RGS8: variants seen among roughly 807,000 people sequenced by gnomAD.
The protein encoded by RGS8 is regulator of G protein signaling 8, also known as regulator of G-protein signaling 8.
In RGS8, 8 loss-of-function variants were observed where a neutral mutation model predicts 21.7. That is an observed-to-expected ratio of 0.37 (90% confidence interval 0.22 to 0.66). The LOEUF (loss-of-function observed/expected upper bound fraction) is 0.66, where lower values mean the gene tolerates loss of function less well. Ranked by LOEUF, RGS8 falls within the 30% of genes least tolerant of loss-of-function variation. The pLI is 0.59. For missense variants in RGS8, 157 were observed against 217.9 expected (o/e 0.72, Z 1.76); for synonymous variants, 80 against 83.6 (o/e 0.96, Z 0.24).
intron 5 of RGS8, among the ~76,000 whole-genome samples, chr1:182,659,433 G>T (rs189480282): frequency 1.3e-5 from 2 of 152,332 alleles, no homozygotes; most frequent in Admixed American, 1.3e-4. Context: ...GGGCGCGGTG[G>T]CTCACGCCTA....
At chr1:182,709,179 A>C in the RGS8 span, among the ~76,000 whole-genome samples, 1 of 151,932 alleles carries the variant, frequency 6.6e-6, no homozygotes, top group African/African-American at 2.4e-5. Context: ...AACTTTCCCA[A>C]TGTTGTGGGT....
the RGS8 span, among the ~76,000 whole-genome samples, chr1:182,702,978 G>A: frequency 0.04 from 6,061 of 152,254 alleles, 162 homozygotes; most frequent in East Asian, 0.1. Context: ...GGGCAGAAAA[G>A]GAACACTTGG....
At position 182,666,037 on chromosome 1, in the gene RGS8, GA is replaced by G. The variant is rs34724940; in HGVS notation, c.129-5del. Reference sequence around the variant, plus strand: ...AGCTTCTTCTGTCGATAATCTCCTAGAAAAAAAGAAACATCTGTCTTGAATG... The same window carrying G: ...AGCTTCTTCTGTCGATAATCTCCTAGAAAAAAGAAACATCTGTCTTGAATG... On this transcript the variant is annotated splice_region_variant and splice_polypyrimidine_tract_variant and intron_variant, in intron 4 of 6. Coordinates refer to ENST00000483095, the Ensembl canonical transcript of RGS8. The G allele has an allele frequency of 1.9e-6, 3 of 1,612,280 alleles. No individual in the cohort carries two copies. Among genetic ancestry groups the G allele is most frequent in the Non-Finnish European group, 2.5e-6 (3 of 1,178,700 alleles).
At chr1:182,725,810 G>C in the RGS8 span, among the ~76,000 whole-genome samples, 1 of 152,174 alleles carries the variant, frequency 6.6e-6, no homozygotes, top group African/African-American at 2.4e-5. Flanking sequence ...AATCAGCCAG[G>C]CTTCCCCTAG....
the RGS8 span, among the ~76,000 whole-genome samples, chr1:182,740,542 TTGTTTG>T: frequency 9.1e-4 from 109 of 119,500 alleles, 1 homozygote; most frequent in African/African-American, 3.2e-3. Flanking sequence ...TTTTTTTTGT[TTGTTTG>T]TTTTTTTTTT....
At chr1:182,735,735 C>T in the RGS8 span, among the ~76,000 whole-genome samples, 1 of 152,128 alleles carries the variant, frequency 6.6e-6, no homozygotes, top group Non-Finnish European at 1.5e-5. Context: ...TTGCTCTGGC[C>T]CTTTCTTTTC....
upstream of RGS8, among the ~76,000 whole-genome samples, chr1:182,674,639 G>T (rs1449759257): frequency 6.6e-6 from 1 of 152,182 alleles, no homozygotes; most frequent in African/African-American, 2.4e-5. Flanking sequence ...CTAAAGTAAA[G>T]CATTCTAGCA....
At chr1:182,643,338 C>T (rs573237663), downstream of RGS8, 5 of 138,956 alleles carry the variant, frequency 3.6e-5, no homozygotes, top group Admixed American at 2.1e-4. Context: ...CCCGCCCCCG[C>T]GCTGTGTTCC....
chr1:182,746,943 G>A, the RGS8 span, among the ~76,000 whole-genome samples: 1 of 149,782 alleles, frequency 6.7e-6, no homozygotes, highest in Admixed American at 6.7e-5. Flanking sequence ...TTGCTGTGTT[G>A]CCCAGGCTGG....
At chr1:182,741,889 C>T in the RGS8 span, among the ~76,000 whole-genome samples, 1 of 144,568 alleles carries the variant, frequency 6.9e-6, no homozygotes, top group African/African-American at 2.5e-5. Flanking sequence ...GCTGACCCCC[C>T]CACCTCCCTC....
chr1:182,671,872 C>A, exon 1 of RGS8: 1 of 1,505,344 alleles, frequency 6.6e-7, no homozygotes, highest in Non-Finnish European at 8.9e-7. Flanking sequence ...AGCCAGGCAG[C>A]AAGCGGCCCC....
the RGS8 span, among the ~76,000 whole-genome samples, chr1:182,740,544 G>GTTTTTTTTTTTT: frequency 1.9e-5 from 2 of 103,322 alleles, no homozygotes; most frequent in African/African-American, 3.7e-5. Context: ...TTTTTTGTTT[G>GTTTTTTTTTTTT]TTTGTTTTTT....
the RGS8 span, among the ~76,000 whole-genome samples, chr1:182,750,195 A>C: frequency 6.6e-6 from 1 of 152,204 alleles, no homozygotes; most frequent in Non-Finnish European, 1.5e-5. Flanking sequence ...GAAGCCTAAT[A>C]AATTTTTTCT....
chr1:182,708,378 T>A, the RGS8 span, among the ~76,000 whole-genome samples: 1 of 152,160 alleles, frequency 6.6e-6, no homozygotes, highest in African/African-American at 2.4e-5. Context: ...TTGAAGGAGA[T>A]GGATGAAGGT....
chr1:182,697,739 T>C, the RGS8 span, among the ~76,000 whole-genome samples: 1 of 152,200 alleles, frequency 6.6e-6, no homozygotes, highest in African/African-American at 2.4e-5. Context: ...AATCAGTGTG[T>C]ATCTATAATG....
intron 2 of RGS8, among the ~76,000 whole-genome samples, chr1:182,671,317 T>A (rs1469785951): frequency 6.6e-6 from 1 of 152,142 alleles, no homozygotes; most frequent in Non-Finnish European, 1.5e-5. Flanking sequence ...TTTTATCCCA[T>A]TTGGCCCTGG....
upstream of RGS8, among the ~76,000 whole-genome samples, chr1:182,674,110 T>A (rs554309870): frequency 1.3e-5 from 2 of 152,282 alleles, no homozygotes; most frequent in South Asian, 4.1e-4. Context: ...AACACAAAGG[T>A]AGTGCCATCA....
the RGS8 span, among the ~76,000 whole-genome samples, chr1:182,740,989 A>C: frequency 2.6e-5 from 4 of 151,966 alleles, no homozygotes; most frequent in South Asian, 8.3e-4. Context: ...CCGATTTCTC[A>C]ATCTTTTCCC....
intron 5 of RGS8, among the ~76,000 whole-genome samples, chr1:182,657,362 T>C (rs1288070983): frequency 1.3e-5 from 2 of 152,148 alleles, no homozygotes; most frequent in Non-Finnish European, 2.9e-5. Flanking sequence ...AGGACCCTCC[T>C]GCTTGTCCAT....
Sources: allele counts gnomAD v4.1 joint callset (sites outside exome capture counted in the v4.1 genomes callset), GRCh38; gene constraint gnomAD v4.1.1; transcripts MANE v1.5; gene names NCBI Gene and HGNC (gene_info 2026-07-23, HGNC 2026-07-21).